MACROD2: variants seen among roughly 807,000 people sequenced by gnomAD.
MACROD2 encodes mono-ADP ribosylhydrolase 2, also known as ADP-ribose glycohydrolase MACROD2.
Under a neutral mutation model 70.4 loss-of-function variants are expected in MACROD2, and 36 were observed. That is an observed-to-expected ratio of 0.51 (90% CI 0.39 to 0.68). The LOEUF (loss-of-function observed/expected upper bound fraction) is 0.68, where lower values mean the gene tolerates loss of function less well. MACROD2 is among the 30% of genes least tolerant of loss of function. MACROD2 has a pLI of 0.00. For missense variants in MACROD2, 496 were observed against 538.4 expected, an observed-to-expected ratio of 0.92 and a Z score of 0.78; for synonymous variants, 172 against 178.8, an observed-to-expected ratio of 0.96 and a Z score of 0.30.
chr20:14,393,508 C>G (rs2083549420), intron 3 of MACROD2, among the ~76,000 whole-genome samples: 1 of 152,212 alleles, frequency 6.6e-6, no homozygotes, highest in African/African-American at 2.4e-5. Context: ...GAATCTCTTT[C>G]TGCTCATGAC....
intron 9 of MACROD2, among the ~76,000 whole-genome samples, chr20:15,866,667 G>A (rs1040160806): frequency 2.6e-5 from 4 of 152,272 alleles, no homozygotes; most frequent in Middle Eastern, 3.4e-3. Context: ...GGCTGCATTT[G>A]GAGTATTGGG....
At chr20:14,436,551 G>T (rs8116105) in intron 3 of MACROD2, among the ~76,000 whole-genome samples, 44,982 of 151,954 alleles carry the variant, frequency 0.3, 7,712 homozygotes, top group South Asian at 0.58. Flanking sequence ...TTCCATATGC[G>T]TACTCCCTAG....
Position 14,794,394 on chromosome 20 carries a change from A to C in MACROD2, c.418+109435A>C, listed in dbSNP as rs1042766652. Reference sequence around the variant, plus strand: ...TTCATGTAATTCTGTTGGTATCAACAAGGGAAACACCTAATGTGGGAAATT... The same window carrying C: ...TTCATGTAATTCTGTTGGTATCAACCAGGGAAACACCTAATGTGGGAAATT... On this transcript the variant is annotated intron_variant, in intron 5 of 17. Coordinates refer to ENST00000684519, the MANE Select transcript of MACROD2 (RefSeq NM_001351661.2). Among the ~76,000 whole-genome samples the C allele has an allele frequency of 7.9e-5, 12 of 152,164 alleles. 1 individual carries two copies. The highest frequency in any genetic ancestry group is 2.9e-4 in the African/African-American group (12 of 41,410).
chr20:14,555,161 G>A (rs1029010787), intron 4 of MACROD2, among the ~76,000 whole-genome samples: 18 of 152,034 alleles, frequency 1.2e-4, no homozygotes, highest in South Asian at 8.3e-4. Context: ...TGAGGGGAGG[G>A]ATACCCCATT....
At chr20:15,293,562 G>T (rs1261015691) in intron 6 of MACROD2, among the ~76,000 whole-genome samples, 1 of 152,190 alleles carries the variant, frequency 6.6e-6, no homozygotes, top group African/African-American at 2.4e-5. Context: ...GAAAAAGTTT[G>T]CATGATTGTG....
At chr20:15,718,833 T>A (rs185022118) in intron 8 of MACROD2, among the ~76,000 whole-genome samples, 1 of 152,324 alleles carries the variant, frequency 6.6e-6, no homozygotes. Flanking sequence ...CCTTCGATTT[T>A]CCTTGTGACC....
At chr20:15,504,799 T>G (rs1020515686) in intron 8 of MACROD2, among the ~76,000 whole-genome samples, 1 of 152,206 alleles carries the variant, frequency 6.6e-6, no homozygotes, top group African/African-American at 2.4e-5. Context: ...AGTAACTTTA[T>G]TACAGAAATA....
At chr20:14,273,362 A>G (rs1380011726) in intron 3 of MACROD2, among the ~76,000 whole-genome samples, 3 of 151,544 alleles carry the variant, frequency 2.0e-5, no homozygotes, top group African/African-American at 7.3e-5. Context: ...GCTCAACTAC[A>G]TGGAAACTGA....
intron 6 of MACROD2, among the ~76,000 whole-genome samples, chr20:15,269,085 T>A (rs985634418): frequency 6.6e-6 from 1 of 152,236 alleles, no homozygotes; most frequent in African/African-American, 2.4e-5. Context: ...AACATGTGGT[T>A]CAGATGAGAG....
intron 3 of MACROD2, among the ~76,000 whole-genome samples, chr20:14,163,440 G>A (rs771689429): frequency 6.6e-6 from 1 of 152,120 alleles, no homozygotes; most frequent in Non-Finnish European, 1.5e-5. Flanking sequence ...AGTCCCTTTT[G>A]AGTTGTATCT....
At chr20:15,680,708 AG>A (rs969234218) in intron 8 of MACROD2, among the ~76,000 whole-genome samples, 11 of 152,262 alleles carry the variant, frequency 7.2e-5, no homozygotes, top group Admixed American at 3.3e-4. Flanking sequence ...GTTGTTTTCA[AG>A]GTCAGTAAGT....
At chr20:14,088,212 C>G (rs923064445) in intron 3 of MACROD2, among the ~76,000 whole-genome samples, 1 of 151,646 alleles carries the variant, frequency 6.6e-6, no homozygotes, top group Non-Finnish European at 1.5e-5. Context: ...GCCTGTAAGT[C>G]CCAGCTACTC....
At chr20:14,341,713 C>T (rs570553433) in intron 3 of MACROD2, among the ~76,000 whole-genome samples, 51 of 152,312 alleles carry the variant, frequency 3.3e-4, no homozygotes, top group African/African-American at 1.2e-3. Flanking sequence ...AGTTAAGATA[C>T]TTTTGGTTGC....
intron 6 of MACROD2, among the ~76,000 whole-genome samples, chr20:15,377,932 A>G (rs2045584589): frequency 6.6e-6 from 1 of 152,072 alleles, no homozygotes; most frequent in Admixed American, 6.6e-5. Flanking sequence ...TATAAGTGGG[A>G]GTTGAACAAT....
intron 3 of MACROD2, among the ~76,000 whole-genome samples, chr20:14,281,033 T>C (rs2082302158): frequency 6.6e-6 from 1 of 152,214 alleles, no homozygotes; most frequent in African/African-American, 2.4e-5. Flanking sequence ...ATTAACATTT[T>C]TTAGTTTAGA....
At chr20:14,697,415 G>A (rs1198279861) in intron 5 of MACROD2, among the ~76,000 whole-genome samples, 5 of 152,150 alleles carry the variant, frequency 3.3e-5, no homozygotes, top group African/African-American at 4.8e-5. Flanking sequence ...AGAGGGAGCC[G>A]AAACAGGGAA....
Position 15,622,821 on chromosome 20 carries a change from T to C in MACROD2, c.645+122974T>C, listed in dbSNP as rs573141815. Reference sequence around the variant, plus strand: ...TTACGGTGTATTGTTATAATTGTTCTATTTTATTATTAATTGTTGTTAATC... The same window carrying C: ...TTACGGTGTATTGTTATAATTGTTCCATTTTATTATTAATTGTTGTTAATC... On this transcript the variant is annotated intron_variant, in intron 8 of 17. Coordinates refer to ENST00000684519, the MANE Select transcript of MACROD2 (RefSeq NM_001351661.2). Among the ~76,000 whole-genome samples the C allele has an allele frequency of 5.0e-4, 76 of 152,340 alleles. 1 individual carries two copies. The Middle Eastern group carries it at 0.017, about 34-fold the overall frequency.
rs137939541 is a variant in MACROD2, at chr20:15,639,770, T to C, written c.645+139923T>C. Reference sequence around the variant, plus strand: ...CCTCAAGCCTCTTTCCTACCACTGATGGGTTTGGGATATAGACCATGAGAA... The same window carrying C: ...CCTCAAGCCTCTTTCCTACCACTGACGGGTTTGGGATATAGACCATGAGAA... On this transcript the variant is annotated intron_variant, in intron 8 of 17. Coordinates refer to ENST00000684519, the MANE Select transcript of MACROD2 (RefSeq NM_001351661.2). Among the ~76,000 whole-genome samples the C allele has an allele frequency of 3.3e-3, 504 of 151,902 alleles. 5 individuals are homozygous for C. Among genetic ancestry groups the C allele is most frequent in the African/African-American group, 0.012 (480 of 41,386 alleles).
chr20:15,085,873 AACACACACACACACACACACACAC>A (rs3070249), intron 5 of MACROD2, among the ~76,000 whole-genome samples: 8 of 144,292 alleles, frequency 5.5e-5, no homozygotes, highest in South Asian at 4.5e-4. Flanking sequence ...ACACACACAC[AACACACACACACACACACACACAC>A]ACACACACAC....
Sources: gnomAD v4.1 joint callset for allele counts (sites outside exome capture counted in the v4.1 genomes callset) on GRCh38, gnomAD v4.1.1 for gene constraint, MANE v1.5 for transcripts, NCBI Gene and HGNC (gene_info 2026-07-23, HGNC 2026-07-21) for gene names.